The following CNTLN variants were observed in gnomAD, a reference collection of about 807,000 sequenced individuals.
CNTLN encodes the protein centlein, centrosomal protein.
CNTLN carries 212 observed loss-of-function variants against 180.0 expected under a neutral mutation model. The ratio of observed to expected loss-of-function variants is 1.18; its 90% CI spans 1.05 to 1.32. The LOEUF is 1.32. Among genes scored for constraint, CNTLN ranks in the 40% most tolerant of loss-of-function variants. The probability of loss-of-function intolerance (pLI) is 0.00; values close to 1 mark genes in which losing one functional copy is unlikely to be tolerated. For missense variants in CNTLN, 2,095 were observed against 1,610.9 expected (o/e 1.30, Z -5.14); for synonymous variants, 722 against 563.1 (o/e 1.28, Z -3.99).
intron 12 of CNTLN, among the ~76,000 whole-genome samples, chr9:17,357,290 A>T (rs900937040): frequency 6.6e-6 from 1 of 151,628 alleles, no homozygotes. Flanking sequence ...TCCAGCTTTT[A>T]TATTTTTTAG....
chr9:17,384,629 G>A (rs948500920), intron 13 of CNTLN, among the ~76,000 whole-genome samples: 1 of 152,016 alleles, frequency 6.6e-6, no homozygotes, highest in African/African-American at 2.4e-5. Context: ...GTTACTTCTC[G>A]GAGGAGATGG....
At chr9:17,380,145 T>C (rs1825115049) in intron 13 of CNTLN, among the ~76,000 whole-genome samples, 1 of 152,162 alleles carries the variant, frequency 6.6e-6, no homozygotes, top group African/African-American at 2.4e-5. Context: ...TTTCCCCCAT[T>C]GGTCAAGTGG....
chr9:17,273,138 A>G (rs1379170379), intron 5 of CNTLN, among the ~76,000 whole-genome samples: 1 of 150,618 alleles, frequency 6.6e-6, no homozygotes, highest in Non-Finnish European at 1.5e-5. Context: ...TAATTTTATA[A>G]TATATTTAAA....
At chr9:17,318,306 G>A (rs955400828) in intron 8 of CNTLN, among the ~76,000 whole-genome samples, 2 of 152,248 alleles carry the variant, frequency 1.3e-5, no homozygotes, top group East Asian at 1.9e-4. Flanking sequence ...TGGGATTACA[G>A]GCGTGAGCCA....
At chr9:17,231,289 A>G (rs571522073) in intron 3 of CNTLN, among the ~76,000 whole-genome samples, 7 of 152,266 alleles carry the variant, frequency 4.6e-5, no homozygotes, top group African/African-American at 1.7e-4. Flanking sequence ...CAAATCCTTC[A>G]GCTTATTTAA....
downstream of CNTLN, among the ~76,000 whole-genome samples, chr9:17,505,506 A>G (rs1588129301): frequency 6.6e-6 from 1 of 152,324 alleles, no homozygotes; most frequent in East Asian, 1.9e-4. Context: ...AAAAATGTGG[A>G]AAATGAAATT....
chr9:17,135,554 T>A (rs1817652194), intron 1 of CNTLN, 129 bp downstream of exon 1: 1 of 1,235,744 alleles, frequency 8.1e-7, no homozygotes, highest in Middle Eastern at 2.8e-4. Flanking sequence ...ATGCACACCC[T>A]GCTTCGCTCG....
chr9:17,341,410 A>G (rs961353378), intron 11 of CNTLN, among the ~76,000 whole-genome samples: 2 of 152,178 alleles, frequency 1.3e-5, no homozygotes, highest in African/African-American at 2.4e-5. Flanking sequence ...CTAGTATGCA[A>G]TTTGAAGATC....
intron 7 of CNTLN, among the ~76,000 whole-genome samples, chr9:17,307,481 G>A (rs930078183): frequency 6.6e-6 from 1 of 152,050 alleles, no homozygotes. Context: ...TATTGCCCAG[G>A]CTGGTCTCGA....
chr9:17,369,366 T>C (rs1486574633), intron 13 of CNTLN, among the ~76,000 whole-genome samples: 1 of 151,976 alleles, frequency 6.6e-6, no homozygotes, highest in African/African-American at 2.4e-5. Context: ...CAGTTCCTTA[T>C]AGAAGTATGA....
intron 2 of CNTLN, among the ~76,000 whole-genome samples, chr9:17,214,402 C>T (rs1823574784): frequency 6.6e-6 from 1 of 152,222 alleles, no homozygotes; most frequent in Non-Finnish European, 1.5e-5. Context: ...TTCTGGCTTG[C>T]AGAGTTTCTG....
In CNTLN at chr9:17,264,184, A is replaced by G. The variant is rs78742529; in HGVS notation, c.850-9549A>G. Among the ~76,000 whole-genome samples the G allele has an allele frequency of 2.1e-4, 30 of 143,778 alleles. 1 individual carries two copies. The East Asian group carries it at 3.9e-3, about 19-fold the overall frequency. The allele number at this position is 143,778 out of a possible 152,430, so 94.3% of individuals were successfully genotyped here. A position where few individuals can be genotyped will look rare whatever the true frequency, so the allele number is the denominator to read the frequency against. ...GGGTTTTTATGGTTTTAGGTCTAAC[A>G]TTTAAGTCTTTAATCCATCTTGAAT... is the stretch of plus-strand genomic sequence containing the variant. On this transcript the variant is annotated intron_variant, in intron 5 of 25. Coordinates refer to ENST00000380647, the MANE Select transcript of CNTLN (RefSeq NM_017738.4).
At chr9:17,272,634 C>T (rs1315903684) in intron 5 of CNTLN, among the ~76,000 whole-genome samples, 1 of 152,138 alleles carries the variant, frequency 6.6e-6, no homozygotes, top group Non-Finnish European at 1.5e-5. Flanking sequence ...AGCAGCTTTA[C>T]CCAGATCCTA....
intron 2 of CNTLN, among the ~76,000 whole-genome samples, chr9:17,148,368 A>G (rs939945988): frequency 6.6e-6 from 1 of 152,242 alleles, no homozygotes; most frequent in Non-Finnish European, 1.5e-5. Context: ...AGGTTCCTGT[A>G]AGCCTCTGGT....
chr9:17,348,927 T>C (rs1350265411), intron 12 of CNTLN, among the ~76,000 whole-genome samples: 1 of 151,898 alleles, frequency 6.6e-6, no homozygotes, highest in Admixed American at 6.6e-5. Flanking sequence ...GTGAGCAGGG[T>C]TTTTGTTTTA....
chr9:17,175,086 A>G (rs112267140), intron 2 of CNTLN, among the ~76,000 whole-genome samples: 2,470 of 152,280 alleles, frequency 0.016, 56 homozygotes, highest in African/African-American at 0.056. Flanking sequence ...CTCCCAGTCT[A>G]TAGCTTGTGT....
Position 17,308,586 on chromosome 9 carries a change from T to A in CNTLN, c.1147-472T>A, listed in dbSNP as rs562552829. Reference sequence around the variant, plus strand: ...CCGATTAAACTGATATACCTTGTGCTCCTTTCTGTCCTTTCCTATCGTTGT... The same window carrying A: ...CCGATTAAACTGATATACCTTGTGCACCTTTCTGTCCTTTCCTATCGTTGT... On this transcript the variant is annotated intron_variant, in intron 7 of 25. Coordinates refer to ENST00000380647, the MANE Select transcript of CNTLN (RefSeq NM_017738.4). 7.9e-5 allele frequency among the ~76,000 whole-genome samples: 12 copies of A among 152,206 alleles called. No homozygotes were observed. In the East Asian group the frequency reaches 2.3e-3, roughly 29 times the overall value.
At chr9:17,297,941 T>A (rs1294595467) in intron 6 of CNTLN, among the ~76,000 whole-genome samples, 2 of 152,234 alleles carry the variant, frequency 1.3e-5, no homozygotes, top group African/African-American at 4.8e-5. Flanking sequence ...ATGGTTTTTA[T>A]TACTATAAAG....
intron 8 of CNTLN, among the ~76,000 whole-genome samples, chr9:17,311,932 T>G (rs1199357263): frequency 6.6e-6 from 1 of 152,190 alleles, no homozygotes; most frequent in Admixed American, 6.5e-5. Flanking sequence ...CTCCCTGATT[T>G]AAGACTTATT....
Sources: gnomAD v4.1 joint callset for allele counts (sites outside exome capture counted in the v4.1 genomes callset) on GRCh38, gnomAD v4.1.1 for gene constraint, MANE v1.5 for transcripts, NCBI Gene and HGNC (gene_info 2026-07-23, HGNC 2026-07-21) for gene names.